The following THADA variants were observed in gnomAD, a reference collection of about 807,000 sequenced individuals.
THADA encodes the protein THADA armadillo repeat containing, also known as tRNA (32-2'-O)-methyltransferase regulator THADA.
A neutral mutation model predicts 219.8 loss-of-function variants in THADA; 213 were observed. That is an observed-to-expected ratio of 0.97 (90% CI 0.87 to 1.09). The LOEUF is 1.09. THADA is among the 50% of genes least tolerant of loss of function. The pLI is 0.00. For synonymous variants in THADA, 1,018 were observed against 828.9 expected (o/e 1.23, Z -3.92); for missense variants, 2,956 against 2,311.3 (o/e 1.28, Z -5.72).
In THADA at chr2:43,563,847, G is replaced by A. The variant is rs189683087; in HGVS notation, c.2311+2851C>T. 2.0e-5 allele frequency: 3 copies of A among 152,204 alleles called. No homozygotes were observed. In the East Asian group the frequency reaches 5.8e-4, roughly 29 times the overall value. 9.4% of individuals were successfully genotyped at this position (152,204 alleles called of 1,614,324 possible). On this transcript the variant is annotated intron_variant, in intron 15 of 37. Coordinates refer to ENST00000405975, the MANE Select transcript of THADA (RefSeq NM_022065.5). Reference sequence around the variant, plus strand: ...CTCCCATCCTGTACTTCATAGTCAAGGTTCTTAAGCCTCCTTTAAAAGTAA... The same window carrying A: ...CTCCCATCCTGTACTTCATAGTCAAAGTTCTTAAGCCTCCTTTAAAAGTAA...
chr2:43,592,111 T>G (rs917927775), intron 2 of THADA, 65 bp from the exon 3 acceptor site: 2 of 1,322,376 alleles, frequency 1.5e-6, no homozygotes. Flanking sequence ...GCCTTTGTTG[T>G]GCATTCTACA....
chr2:43,588,876 T>TG (rs1701267572), intron 4 of THADA, among the ~76,000 whole-genome samples: 1 of 152,070 alleles, frequency 6.6e-6, no homozygotes, highest in South Asian at 2.1e-4. Flanking sequence ...ATCACTGCAA[T>TG]GGGGAAGTGA....
At chr2:43,311,496 C>T (rs115507669) in intron 31 of THADA, among the ~76,000 whole-genome samples, 2,078 of 152,282 alleles carry the variant, frequency 0.014, 20 homozygotes, top group Non-Finnish European at 0.022. Context: ...GCATATGGCC[C>T]AGACATTCCA....
chr2:43,257,419 G>C (rs772704420), intron 36 of THADA, among the ~76,000 whole-genome samples: 7 of 152,186 alleles, frequency 4.6e-5, no homozygotes, highest in Non-Finnish European at 7.3e-5. Context: ...GAGAGAGGAG[G>C]CTTCTCCCGG....
Position 43,292,942 on chromosome 2 carries a change from T to A in THADA, c.4710A>T (p.Ala1570=), listed in dbSNP as rs1674910796. Residue 1570 remains alanine, a synonymous_variant, in exon 32 of 38, where the codon GCA becomes GCT. Transcript: ENST00000405975. ...CCTTCTCTCCAAGTCCAGAGGCTGC[T>A]GCTAAGAACTTTTCCAAGAGGGCTT... ...TLEALLEKFL[A]AASGLGEKGV... is the part of the protein sequence containing the mutation. 1 of 1,613,930 alleles carries A rather than the reference T, an allele frequency of 6.2e-7. No homozygotes were observed. The highest frequency in any genetic ancestry group is 1.3e-5 in the African/African-American group (1 of 74,944).
chr2:43,378,993 A>G (rs1351515443), intron 29 of THADA, among the ~76,000 whole-genome samples: 1 of 152,218 alleles, frequency 6.6e-6, no homozygotes, highest in Non-Finnish European at 1.5e-5. Flanking sequence ...TAAGACAGAA[A>G]TCAAAATCAG....
At chr2:43,248,158 TATATATAGAGAGAGAGAGAGAGAGAGAG>T (rs1294505503) in intron 36 of THADA, among the ~76,000 whole-genome samples, 302 of 65,126 alleles carry the variant, frequency 4.6e-3, no homozygotes, top group African/African-American at 0.024. Flanking sequence ...TATATATATA[TATATATAGAGAGAGAGAGAGAGAGAGAG>T]AGAGAGAGAG....
At chr2:43,551,117 T>C (rs181470431) in intron 19 of THADA, among the ~76,000 whole-genome samples, 14 of 152,318 alleles carry the variant, frequency 9.2e-5, no homozygotes, top group African/African-American at 3.1e-4. Context: ...TTACCTTAAT[T>C]ATCAGCCCAA....
At chr2:43,533,928 CTT>C (rs1694223711) in intron 21 of THADA, among the ~76,000 whole-genome samples, 2 of 152,196 alleles carry the variant, frequency 1.3e-5, no homozygotes, top group South Asian at 2.1e-4. Flanking sequence ...ACAAAAAACT[CTT>C]GTTTGCAGGT....
At chr2:43,458,894 C>T (rs1683316479) in intron 26 of THADA, among the ~76,000 whole-genome samples, 3 of 152,062 alleles carry the variant, frequency 2.0e-5, no homozygotes, top group Middle Eastern at 3.4e-3. Flanking sequence ...TTTTAATGTA[C>T]TTATTTAACA....
At chr2:43,576,913 C>T in intron 10 of THADA, 109 bp downstream of exon 10, 4 of 944,308 alleles carry the variant, frequency 4.2e-6, no homozygotes, top group Non-Finnish European at 6.5e-6. Flanking sequence ...CCTCAGCCTA[C>T]TGGGAGGGTA....
intron 29 of THADA, among the ~76,000 whole-genome samples, chr2:43,350,290 T>C (rs1420553894): frequency 6.6e-6 from 1 of 152,140 alleles, no homozygotes. Flanking sequence ...ATCTAAACTT[T>C]CTAATTCACA....
intron 28 of THADA, among the ~76,000 whole-genome samples, chr2:43,400,812 C>T (rs573994618): frequency 6.6e-6 from 1 of 152,054 alleles, no homozygotes; most frequent in Admixed American, 6.6e-5. Flanking sequence ...TCAGTATACT[C>T]CAGAATTACA....
intron 29 of THADA, among the ~76,000 whole-genome samples, chr2:43,347,569 T>C (rs1667772550): frequency 6.6e-6 from 1 of 152,180 alleles, no homozygotes; most frequent in Admixed American, 6.5e-5. Flanking sequence ...AATAATAATG[T>C]GTAAATACTG....
chr2:43,370,721 C>T (rs1277137663), intron 29 of THADA, among the ~76,000 whole-genome samples: 2 of 152,158 alleles, frequency 1.3e-5, no homozygotes, highest in African/African-American at 2.4e-5. Flanking sequence ...TTCAATATTA[C>T]ATTTTTCTAA....
intron 22 of THADA, among the ~76,000 whole-genome samples, chr2:43,522,149 C>T (rs1311237198): frequency 6.6e-6 from 1 of 152,062 alleles, no homozygotes; most frequent in East Asian, 1.9e-4. Flanking sequence ...AAACTAAACA[C>T]TAATAGATGT....
intron 20 of THADA, among the ~76,000 whole-genome samples, chr2:43,547,764 T>C (rs7583837): frequency 0.37 from 55,563 of 151,942 alleles, 10,770 homozygotes; most frequent in African/African-American, 0.49. Flanking sequence ...GTTATACATT[T>C]GTCTAAATTT....
chr2:43,386,425 T>C (rs1207131643), intron 29 of THADA, among the ~76,000 whole-genome samples: 6 of 152,088 alleles, frequency 3.9e-5, no homozygotes, highest in African/African-American at 1.4e-4. Context: ...AAGAAAAACA[T>C]GTATAAGAAT....
chr2:43,304,634 T>C (rs1322060585), intron 31 of THADA, among the ~76,000 whole-genome samples: 1 of 151,994 alleles, frequency 6.6e-6, no homozygotes, highest in Non-Finnish European at 1.5e-5. Flanking sequence ...TCCAACCTCC[T>C]TAAAAAAGTA....
Sources: allele counts gnomAD v4.1 joint callset (sites outside exome capture counted in the v4.1 genomes callset), GRCh38; gene constraint gnomAD v4.1.1; transcripts MANE v1.5; gene names NCBI Gene and HGNC (gene_info 2026-07-23, HGNC 2026-07-21).